Variants in SORCS2 observed in about 807,000 individuals in gnomAD.
SORCS2 encodes the protein VPS10 domain-containing receptor SorCS2.
In SORCS2, 100 loss-of-function variants were observed where a neutral mutation model predicts 141.6. That is an observed-to-expected ratio of 0.71 (90% CI 0.60 to 0.83). SORCS2 has a LOEUF of 0.83. Among genes scored for constraint, SORCS2 ranks in the 40% least tolerant of loss-of-function variants. The probability of loss-of-function intolerance (pLI) is 0.00; values close to 1 mark genes in which losing one functional copy is unlikely to be tolerated. For missense variants in SORCS2, 1,646 were observed against 1,560.2 expected, an observed-to-expected ratio of 1.05 and a Z score of -0.93; for synonymous variants, 789 against 676.9, an observed-to-expected ratio of 1.17 and a Z score of -2.57.
intron 3 of SORCS2, among the ~76,000 whole-genome samples, chr4:7,624,615 C>G (rs1421515950): frequency 6.6e-6 from 1 of 152,250 alleles, no homozygotes; most frequent in African/African-American, 2.4e-5. Flanking sequence ...CACAAAGCTA[C>G]TGAGATACAT....
At chr4:7,428,332 G>T (rs1726595436) in intron 2 of SORCS2, among the ~76,000 whole-genome samples, 1 of 152,220 alleles carries the variant, frequency 6.6e-6, no homozygotes, top group Non-Finnish European at 1.5e-5. Context: ...TCCCAGAAGA[G>T]CCAGCGTTCA....
At chr4:7,463,773 C>G (rs1340569256) in intron 2 of SORCS2, among the ~76,000 whole-genome samples, 2 of 152,160 alleles carry the variant, frequency 1.3e-5, no homozygotes, top group African/African-American at 2.4e-5. Flanking sequence ...TACTAACGGC[C>G]CTGATTAGTG....
chr4:7,229,740 G>A (rs898590342), intron 1 of SORCS2, among the ~76,000 whole-genome samples: 11 of 152,318 alleles, frequency 7.2e-5, no homozygotes, highest in African/African-American at 2.4e-4. Context: ...TCGAGTCTCT[G>A]GGCAGGAGCA....
At chr4:7,382,109 G>T (rs1015332899) in intron 1 of SORCS2, 26 of 472,670 alleles carry the variant, frequency 5.5e-5, no homozygotes, top group African/African-American at 4.4e-4. Context: ...TGAAGGGTGG[G>T]TGGTGCTGCT....
intron 2 of SORCS2, among the ~76,000 whole-genome samples, chr4:7,498,606 C>T (rs932048302): frequency 2.6e-5 from 4 of 152,332 alleles, no homozygotes; most frequent in South Asian, 2.1e-4. Context: ...CTCCTAGGGA[C>T]GCAGGGCCTG....
chr4:7,684,192 G>A (rs889217443), intron 10 of SORCS2, among the ~76,000 whole-genome samples: 9 of 152,160 alleles, frequency 5.9e-5, no homozygotes, highest in Admixed American at 1.3e-4. Context: ...TGTTAGAGCC[G>A]CACAGAGCTG....
intron 1 of SORCS2, among the ~76,000 whole-genome samples, chr4:7,327,777 T>C (rs887675521): frequency 6.6e-6 from 1 of 152,120 alleles, no homozygotes; most frequent in Non-Finnish European, 1.5e-5. Flanking sequence ...CCTTCCTGAG[T>C]GCATGAGGGC....
At position 7,452,117 on chromosome 4, in the gene SORCS2, C is replaced by T. The variant is rs565595355; in HGVS notation, c.548+55762C>T. Among the ~76,000 whole-genome samples, 23 of 152,180 alleles carry T rather than the reference C, an allele frequency of 1.5e-4. 1 individual carries two copies. Among genetic ancestry groups the T allele is most frequent in the East Asian group, 5.8e-4 (3 of 5,176 alleles). ...CCCGATACCACTGACCCACAGCTCC[C>T]ACTCTGCCTTCCAGATGGAAGGCTC... On this transcript the variant is annotated intron_variant, in intron 2 of 26. Transcript: ENST00000507866.
At chr4:7,312,574 A>G (rs1319305814) in intron 1 of SORCS2, among the ~76,000 whole-genome samples, 1 of 152,184 alleles carries the variant, frequency 6.6e-6, no homozygotes, top group East Asian at 1.9e-4. Context: ...AGCCTGGGTC[A>G]GCATCCTCTG....
At position 7,574,612 on chromosome 4, in the gene SORCS2, G is replaced by A. The variant is rs764908859; in HGVS notation, c.648+42983G>A. 1.3e-4 allele frequency among the ~76,000 whole-genome samples: 20 copies of A among 151,966 alleles called. 1 individual carries two copies. Among genetic ancestry groups the A allele is most frequent in the Non-Finnish European group, 2.6e-4 (18 of 67,972 alleles). ...GGGAGAGAGGCAGGGAGGCAAGGAG[G>A]GAGGAAGGAAGGAAGGAGAGAAGGG... On this transcript the variant is annotated intron_variant, in intron 3 of 26. Transcript: ENST00000507866.
intron 1 of SORCS2, among the ~76,000 whole-genome samples, chr4:7,196,252 T>A (rs962226178): frequency 6.6e-6 from 1 of 152,148 alleles, no homozygotes; most frequent in Non-Finnish European, 1.5e-5. Flanking sequence ...GGATCTAGAG[T>A]GGGCTGTGCA....
chr4:7,359,186 C>T (rs1721434809), intron 1 of SORCS2, among the ~76,000 whole-genome samples: 1 of 152,226 alleles, frequency 6.6e-6, no homozygotes. Context: ...GTCCCAGCTA[C>T]TCAGGAGGCT....
At chr4:7,317,442 C>T (rs1197206534) in intron 1 of SORCS2, among the ~76,000 whole-genome samples, 5 of 152,184 alleles carry the variant, frequency 3.3e-5, no homozygotes, top group South Asian at 2.1e-4. Flanking sequence ...GTGATTGGTG[C>T]GATGTTCCAG....
chr4:7,467,714 C>A (rs1437341520), intron 2 of SORCS2, among the ~76,000 whole-genome samples: 1 of 152,220 alleles, frequency 6.6e-6, no homozygotes, highest in East Asian at 1.9e-4. Flanking sequence ...GAGATGCCAC[C>A]CAGCTCTTGG....
intron 3 of SORCS2, among the ~76,000 whole-genome samples, chr4:7,543,747 TCCACCCATCCAC>T (rs772412049): frequency 0.14 from 9,248 of 65,750 alleles, 1,749 homozygotes; most frequent in African/African-American, 0.28. Flanking sequence ...CATCCACCCA[TCCACCCATCCAC>T]CCACCCATCC....
chr4:7,722,452 C>T (rs554102272), intron 18 of SORCS2, among the ~76,000 whole-genome samples: 214 of 152,264 alleles, frequency 1.4e-3, no homozygotes, highest in South Asian at 1.9e-3. Flanking sequence ...TTATCTCATG[C>T]CGGGTGGCCT....
At chr4:7,223,094 A>C (rs1452873919) in intron 1 of SORCS2, among the ~76,000 whole-genome samples, 2 of 152,138 alleles carry the variant, frequency 1.3e-5, no homozygotes, top group Non-Finnish European at 2.9e-5. Context: ...CAACCAACTG[A>C]GCAACAAAAA....
chr4:7,666,008 TG>T (rs1411210933), intron 7 of SORCS2, among the ~76,000 whole-genome samples: 1 of 152,010 alleles, frequency 6.6e-6, no homozygotes, highest in African/African-American at 2.4e-5. Context: ...GGAGGTGATT[TG>T]GGGGGCTTGC....
intron 3 of SORCS2, among the ~76,000 whole-genome samples, chr4:7,605,520 C>G (rs965956549): frequency 6.6e-6 from 1 of 152,126 alleles, no homozygotes; most frequent in African/African-American, 2.4e-5. Flanking sequence ...GGGTTTTGGT[C>G]TCCAAAGAAT....
Sources: gnomAD v4.1 joint callset for allele counts (sites outside exome capture counted in the v4.1 genomes callset) on GRCh38, gnomAD v4.1.1 for gene constraint, MANE v1.5 for transcripts, NCBI Gene and HGNC (gene_info 2026-07-23, HGNC 2026-07-21) for gene names.